Variants in SLC35D4 observed in about 807,000 individuals in gnomAD.
The protein encoded by SLC35D4 is UDP-N-acetylglucosamine transporter SLC35D4.
At chr18:23,241,164 C>G in the SLC35D4 span, among the ~76,000 whole-genome samples, 1 of 152,150 alleles carries the variant, frequency 6.6e-6, no homozygotes, top group Non-Finnish European at 1.5e-5. Flanking sequence ...GGTCCATCTT[C>G]CTTCATACAA....
chr18:23,310,935 A>G, the SLC35D4 span, among the ~76,000 whole-genome samples: 4 of 152,182 alleles, frequency 2.6e-5, no homozygotes, highest in Admixed American at 6.5e-5. Context: ...TATTGTCCTC[A>G]GGGGCAATAA....
chr18:23,377,131 A>T, the SLC35D4 span, among the ~76,000 whole-genome samples: 7 of 152,176 alleles, frequency 4.6e-5, no homozygotes, highest in Non-Finnish European at 1.5e-5. Flanking sequence ...CAAATGCTGC[A>T]GGCACCGGGG....
the SLC35D4 span, among the ~76,000 whole-genome samples, chr18:23,313,253 G>A: frequency 6.6e-6 from 1 of 151,548 alleles, no homozygotes; most frequent in Non-Finnish European, 1.5e-5. Context: ...CAGCACAGGG[G>A]AAGAGGCTCC....
the SLC35D4 span, among the ~76,000 whole-genome samples, chr18:23,340,743 T>C: frequency 4.3e-4 from 66 of 152,112 alleles, no homozygotes; most frequent in Non-Finnish European, 8.2e-4. Context: ...AGGAAGAAAG[T>C]GATCTTACAG....
At chr18:23,359,499 T>G in the SLC35D4 span, among the ~76,000 whole-genome samples, 1 of 152,204 alleles carries the variant, frequency 6.6e-6, no homozygotes, top group African/African-American at 2.4e-5. Context: ...TTCTGCTGAC[T>G]CTGAGTGAGC....
the SLC35D4 span, among the ~76,000 whole-genome samples, chr18:23,345,280 A>G: frequency 6.6e-5 from 10 of 151,880 alleles, no homozygotes; most frequent in Non-Finnish European, 1.2e-4. Flanking sequence ...TCAGGAGTTC[A>G]AGACCAGTCT....
At chr18:23,377,242 G>A in the SLC35D4 span, among the ~76,000 whole-genome samples, 4 of 152,222 alleles carry the variant, frequency 2.6e-5, no homozygotes, top group Admixed American at 6.5e-5. Flanking sequence ...GCCCAGGACT[G>A]CAGTTCAGAT....
the SLC35D4 span, chr18:23,377,746 T>TAAAAA: frequency 7.6e-7 from 1 of 1,319,004 alleles, no homozygotes; most frequent in Non-Finnish European, 1.0e-6. Context: ...AACATTTTGA[T>TAAAAA]CAAGAGGCAA....
chr18:23,286,533 C>T, the SLC35D4 span, among the ~76,000 whole-genome samples: 1,586 of 152,190 alleles, frequency 0.01, 25 homozygotes, highest in African/African-American at 0.036. Flanking sequence ...AAGACTGATG[C>T]TGCCCGATCG....
chr18:23,407,577 TCACA>T, the SLC35D4 span, among the ~76,000 whole-genome samples: 1 of 150,950 alleles, frequency 6.6e-6, no homozygotes. Flanking sequence ...TCTCTTTATC[TCACA>T]CACACACACA....
the SLC35D4 span, among the ~76,000 whole-genome samples, chr18:23,336,600 T>C: frequency 6.6e-6 from 1 of 152,004 alleles, no homozygotes; most frequent in Non-Finnish European, 1.5e-5. Flanking sequence ...CCAGAACATA[T>C]GAAGGTGTTG....
the SLC35D4 span, among the ~76,000 whole-genome samples, chr18:23,275,507 G>A: frequency 1.2e-4 from 18 of 152,224 alleles, no homozygotes; most frequent in East Asian, 2.1e-3. Flanking sequence ...AAGGGGCTTC[G>A]CGAGAACAAG....
At chr18:23,254,063 G>A in the SLC35D4 span, 1 of 741,706 alleles carries the variant, frequency 1.3e-6, no homozygotes. Flanking sequence ...TGAGGTGAAG[G>A]CTATGAAGTC....
chr18:23,339,280 C>T, the SLC35D4 span, among the ~76,000 whole-genome samples: 1 of 152,206 alleles, frequency 6.6e-6, no homozygotes, highest in African/African-American at 2.4e-5. Context: ...CACAATCATC[C>T]ACAAGAGAAG....
chr18:23,382,255 A>AAAAG, the SLC35D4 span, among the ~76,000 whole-genome samples: 35 of 151,188 alleles, frequency 2.3e-4, no homozygotes, highest in African/African-American at 8.0e-4. Context: ...AAAAAAAAAA[A>AAAAG]AAAGAAAGAA....
chr18:23,248,539 A>T, the SLC35D4 span, among the ~76,000 whole-genome samples: 2,474 of 50,284 alleles, frequency 0.049, 68 homozygotes, highest in African/African-American at 0.12. Context: ...TTTTTTTTTT[A>T]AAAAAAGGCT....
chr18:23,245,345 C>CA, the SLC35D4 span, among the ~76,000 whole-genome samples: 1 of 151,820 alleles, frequency 6.6e-6, no homozygotes, highest in Non-Finnish European at 1.5e-5. Flanking sequence ...CCATCTCTAC[C>CA]AAAAAATACA....
the SLC35D4 span, chr18:23,437,921 C>A: frequency 2.0e-6 from 3 of 1,526,318 alleles, no homozygotes; most frequent in Admixed American, 1.9e-5. Context: ...GCCCGACCCC[C>A]GCAGCAGCAG....
chr18:23,430,042 T>C, the SLC35D4 span, among the ~76,000 whole-genome samples: 4 of 152,322 alleles, frequency 2.6e-5, no homozygotes, highest in African/African-American at 9.6e-5. Context: ...TTTGTATTTG[T>C]TGCATTTGCT....
Sources: allele counts gnomAD v4.1 joint callset (sites outside exome capture counted in the v4.1 genomes callset), GRCh38; gene constraint gnomAD v4.1.1; transcripts MANE v1.5; gene names NCBI Gene and HGNC (gene_info 2026-07-23, HGNC 2026-07-21).